The following PAPPA variants were observed in gnomAD, a reference collection of about 807,000 sequenced individuals.
PAPPA encodes pappalysin 1.
In PAPPA, 60 loss-of-function variants were observed where a neutral mutation model predicts 164.0. The ratio of observed to expected loss-of-function variants is 0.37; its 90% CI spans 0.30 to 0.45. PAPPA has a LOEUF of 0.45. Among genes scored for constraint, PAPPA ranks in the 20% least tolerant of loss-of-function variants. PAPPA has a pLI of 1.00. For synonymous variants in PAPPA, 875 were observed against 814.1 expected, an observed-to-expected ratio of 1.07 and a Z score of -1.27; for missense variants, 1,782 against 2,087.3, an observed-to-expected ratio of 0.85 and a Z score of 2.85.
Position 116,193,269 on chromosome 9 carries a change from C to T in PAPPA, c.1478+5053C>T, listed in dbSNP as rs556422212. ...GATAAGTCTTGAGGTCACCCCCGAC[C>T]CCTCTGCTGGCAGCTATAGCCCCCG... is the stretch of plus-strand genomic sequence containing the variant. On this transcript the variant is annotated intron_variant, in intron 2 of 21. Coordinates refer to ENST00000328252, the MANE Select transcript of PAPPA (RefSeq NM_002581.5). 2.0e-5 allele frequency among the ~76,000 whole-genome samples: 3 copies of T among 152,182 alleles called. No individual in the cohort carries two copies. In the East Asian group the frequency reaches 5.8e-4, roughly 29 times the overall value.
chr9:116,313,440 A>T (rs1299593117), intron 10 of PAPPA, among the ~76,000 whole-genome samples: 2 of 152,224 alleles, frequency 1.3e-5, no homozygotes, highest in Non-Finnish European at 2.9e-5. Flanking sequence ...TACTGGCAAG[A>T]TACTGCTTTC....
At chr9:116,217,079 C>T (rs772746626) in intron 4 of PAPPA, among the ~76,000 whole-genome samples, 3 of 152,170 alleles carry the variant, frequency 2.0e-5, no homozygotes, top group Non-Finnish European at 4.4e-5. Flanking sequence ...TCCTGTCTCC[C>T]TACTAGGTTC....
Position 116,154,051 on chromosome 9 carries a change from G to T in PAPPA, c.-122G>T. The stretch of plus-strand genomic sequence containing the variant: ...GAGAAAGAAAAGAAAAAAGCAAGTG[G>T]AAAGGGGGGCTCGCCCAAGAAGGGT... On this transcript the variant is annotated 5_prime_UTR_variant, in exon 1 of 22. Coordinates refer to ENST00000328252, the MANE Select transcript of PAPPA (RefSeq NM_002581.5). The surrounding 1 kb of genome is among the most constrained non-coding windows in gnomAD (Gnocchi z 5.2). 8.8e-7 allele frequency: 1 copy of T among 1,142,580 alleles called. No homozygotes were observed. Among genetic ancestry groups the T allele is most frequent in the African/African-American group, 1.7e-5 (1 of 59,080 alleles). The allele number at this position is 1,142,580 out of a possible 1,614,324, so 70.8% of individuals were successfully genotyped here.
At position 116,401,205 on chromosome 9, in the gene PAPPA, C is replaced by G. The variant is rs1003402979; in HGVS notation, c.*4589C>G. 8 of 152,532 alleles carry G rather than the reference C, an allele frequency of 5.2e-5. No homozygotes were observed. The highest frequency in any genetic ancestry group is 7.2e-5 in the African/African-American group (3 of 41,428). The allele number at this position is 152,532 out of a possible 1,614,324, so 9.4% of individuals were successfully genotyped here. A position where few individuals can be genotyped will look rare whatever the true frequency, so the allele number is the denominator to read the frequency against. On this transcript the variant is annotated 3_prime_UTR_variant, in exon 22 of 22. Transcript: ENST00000328252. ...AATTTGATCTTACCCTTTACCAGTT[C>G]TATAATTTGGTTAAAAGCTGATTAT...
intron 10 of PAPPA, among the ~76,000 whole-genome samples, chr9:116,317,533 T>C (rs938754147): frequency 6.6e-6 from 1 of 152,220 alleles, no homozygotes; most frequent in South Asian, 2.1e-4. Flanking sequence ...TAAAGCTAAG[T>C]AGATTTTTGT....
rs747831952 is a variant in PAPPA at position 116,334,907 on chromosome 9, G to A, written c.3444G>A (p.Val1148=). 1 of 1,613,844 alleles carries A rather than the reference G, an allele frequency of 6.2e-7. No homozygotes were observed. The highest frequency in any genetic ancestry group is 2.2e-5 in the East Asian group (1 of 44,828). ...GGAACAATCCCCTGATTATCCCTGTGGTCCATGACCTCAGCCAGCCCTTCT... is the reference window on the plus strand; with the variant it reads ...GGAACAATCCCCTGATTATCCCTGTAGTCCATGACCTCAGCCAGCCCTTCT... ...SCRNNPLIIP[V]VHDLSQPFYH... The change falls in exon 13 of 22, where the codon GTG becomes GTA. Residue 1148 remains valine (V), a synonymous_variant. Transcript: ENST00000328252.
At chr9:116,285,337 T>G (rs530708593) in intron 9 of PAPPA, among the ~76,000 whole-genome samples, 1 of 152,054 alleles carries the variant, frequency 6.6e-6, no homozygotes, top group Admixed American at 6.5e-5. Flanking sequence ...ACCCAGCTAA[T>G]TTTTGTATTT....
At chr9:116,223,725 A>G (rs1278092952) in intron 5 of PAPPA, among the ~76,000 whole-genome samples, 1 of 152,206 alleles carries the variant, frequency 6.6e-6, no homozygotes, top group Non-Finnish European at 1.5e-5. Context: ...TCACTCTCCC[A>G]TACAGATGGA....
chr9:116,263,049 C>T (rs914055921), intron 7 of PAPPA, among the ~76,000 whole-genome samples: 1 of 152,136 alleles, frequency 6.6e-6, no homozygotes, highest in Admixed American at 6.5e-5. Context: ...CACCTTTTAA[C>T]TTAAGGGAGT....
chr9:116,379,106 C>A (rs796986878), intron 20 of PAPPA, among the ~76,000 whole-genome samples: 11 of 152,298 alleles, frequency 7.2e-5, no homozygotes, highest in African/African-American at 2.4e-4. Flanking sequence ...AGTGTGACAG[C>A]GGAATTCAAT....
chr9:116,229,139 A>G (rs1844554152), intron 6 of PAPPA, among the ~76,000 whole-genome samples: 1 of 152,172 alleles, frequency 6.6e-6, no homozygotes, highest in Non-Finnish European at 1.5e-5. Flanking sequence ...CCCATGCAGA[A>G]CTGGAGACTC....
chr9:116,260,439 G>T (rs1296558855), intron 7 of PAPPA, among the ~76,000 whole-genome samples: 1 of 152,120 alleles, frequency 6.6e-6, no homozygotes, highest in African/African-American at 2.4e-5. Flanking sequence ...TGGCTGGAGG[G>T]TTATATACAA....
intron 7 of PAPPA, 131 bp downstream of exon 7, chr9:116,235,768 C>A (rs982084881): frequency 8.1e-6 from 7 of 866,746 alleles, no homozygotes; most frequent in Non-Finnish European, 1.3e-5. Flanking sequence ...TGTAACCCAT[C>A]ATTGGGTGTA....
intron 13 of PAPPA, among the ~76,000 whole-genome samples, chr9:116,341,713 T>C (rs1289854620): frequency 6.6e-6 from 1 of 152,244 alleles, no homozygotes; most frequent in East Asian, 1.9e-4. Flanking sequence ...TCCCAATGTA[T>C]AGAACAATGT....
rs536786610 is a variant in PAPPA, at chr9:116,400,086, G to C, written c.*3470G>C. ...TATAAGGTCAAGTTAACAGTTTTGA[G>C]GTTTTGTGTTTTTTTCTGGAACTAC... On this transcript the variant is annotated 3_prime_UTR_variant, in exon 22 of 22. Transcript: ENST00000328252. 6.6e-6 allele frequency: 1 copy of C among 152,450 alleles called. No individual in the cohort carries two copies. Among genetic ancestry groups the C allele is most frequent in the South Asian group, 2.1e-4 (1 of 4,818 alleles). The allele number at this position is 152,450 out of a possible 1,614,324, so 9.4% of individuals were successfully genotyped here.
chr9:116,218,614 G>A (rs1844405167), intron 4 of PAPPA, among the ~76,000 whole-genome samples: 1 of 152,126 alleles, frequency 6.6e-6, no homozygotes. Context: ...TAGGATCAAA[G>A]GTCCTTAGAT....
At chr9:116,302,527 C>T (rs865781679) in intron 9 of PAPPA, among the ~76,000 whole-genome samples, 11 of 152,232 alleles carry the variant, frequency 7.2e-5, no homozygotes, top group African/African-American at 2.4e-4. Flanking sequence ...GTGGCCTCCA[C>T]GTTTCCTATA....
At chr9:116,290,768 C>T (rs1845426441) in intron 9 of PAPPA, among the ~76,000 whole-genome samples, 1 of 151,726 alleles carries the variant, frequency 6.6e-6, no homozygotes, top group Admixed American at 6.6e-5. Flanking sequence ...AGTTTGCCAT[C>T]TTTTATTACC....
intron 7 of PAPPA, among the ~76,000 whole-genome samples, chr9:116,256,372 A>C (rs1844927967): frequency 6.6e-6 from 1 of 151,988 alleles, no homozygotes; most frequent in Admixed American, 6.5e-5. Context: ...CGATAAATCC[A>C]AGTGAAGGGA....
Sources: allele counts gnomAD v4.1 joint callset (sites outside exome capture counted in the v4.1 genomes callset), GRCh38; gene constraint gnomAD v4.1.1; non-coding constraint Gnocchi (gnomAD v3.1); transcripts MANE v1.5; gene names NCBI Gene and HGNC (gene_info 2026-07-23, HGNC 2026-07-21).